TTC12: variants seen among roughly 807,000 people sequenced by gnomAD.
TTC12 encodes the protein tetratricopeptide repeat protein 12.
Under a neutral mutation model 90.1 loss-of-function variants are expected in TTC12, and 70 were observed. The observed-to-expected ratio is 0.78, with a 90% CI of 0.64 to 0.95. TTC12 has a LOEUF of 0.95. TTC12 is among the 40% of genes least tolerant of loss of function. The probability of loss-of-function intolerance (pLI) is 0.00; values close to 1 mark genes in which losing one functional copy is unlikely to be tolerated. For missense variants in TTC12, 819 were observed against 846.1 expected, an observed-to-expected ratio of 0.97 and a Z score of 0.40; for synonymous variants, 296 against 311.5, an observed-to-expected ratio of 0.95 and a Z score of 0.53.
intron 16 of TTC12, 63 bp downstream of exon 16, chr11:113,352,270 A>G (rs1334462373): frequency 6.2e-7 from 1 of 1,607,320 alleles, no homozygotes; most frequent in Non-Finnish European, 8.5e-7. Context: ...GCGTCTTCTT[A>G]GTTATCTGAC....
intron 8 of TTC12, among the ~76,000 whole-genome samples, chr11:113,336,850 T>C (rs1591556479): frequency 1.3e-5 from 2 of 152,330 alleles, no homozygotes; most frequent in South Asian, 4.1e-4. Flanking sequence ...AATTTCTATA[T>C]GAACTTCAAG....
chr11:113,339,209 GA>G (rs111663834), intron 9 of TTC12, 76 bp from the exon 10 acceptor site: 16,035 of 1,236,816 alleles, frequency 0.013, 539 homozygotes, highest in African/African-American at 0.11. Context: ...CAAAAGAAAG[GA>G]AAAAAAAAGG....
At chr11:113,319,132 C>T (rs782806611) in intron 2 of TTC12, among the ~76,000 whole-genome samples, 10 of 152,206 alleles carry the variant, frequency 6.6e-5, no homozygotes, top group Non-Finnish European at 1.3e-4. Context: ...ATAAATCACA[C>T]TGATGGCATG....
chr11:113,345,542 AT>A (rs1565605723), intron 13 of TTC12, among the ~76,000 whole-genome samples: 1 of 152,096 alleles, frequency 6.6e-6, no homozygotes, highest in East Asian at 1.9e-4. Context: ...ACACTGTCCA[AT>A]TTGGTATGTA....
At chr11:113,349,522 A>G (rs1555149315) in intron 13 of TTC12, among the ~76,000 whole-genome samples, 1 of 152,140 alleles carries the variant, frequency 6.6e-6, no homozygotes, top group East Asian at 1.9e-4. Context: ...AAATCCTTAA[A>G]TCTTTCTCAT....
At chr11:113,334,877 G>A (rs113759490) in intron 7 of TTC12, 89 bp from the exon 8 acceptor site, 37 of 1,053,306 alleles carry the variant, frequency 3.5e-5, no homozygotes, top group African/African-American at 3.0e-4. Context: ...TCAAAGTTTC[G>A]CCTTAACTCT....
rs1555143577 is a variant in TTC12 at position 113,334,985 on chromosome 11, A to G, written c.524A>G (p.Lys175Arg). ...WALKCDEKCT[K>R]AYFHMGKANL... ...ATGCAGTGTGATGAAAAATGCACAAAAGCATATTTTCACATGGGAAAAGCC... is the reference window on the plus strand; with the variant it reads ...ATGCAGTGTGATGAAAAATGCACAAGAGCATATTTTCACATGGGAAAAGCC... The change falls in exon 8 of 22, where the codon AAA (lysine) becomes AGA (arginine). Residue 175 changes from lysine (K) to arginine (R), a missense_variant. Transcript: ENST00000529221. 6.2e-7 allele frequency: 1 copy of G among 1,613,844 alleles called. No individual in the cohort carries two copies. The highest frequency in any genetic ancestry group is 1.7e-5 in the Admixed American group (1 of 60,014).
intron 8 of TTC12, 131 bp downstream of exon 8, chr11:113,335,168 C>A: frequency 1.4e-6 from 1 of 699,870 alleles, no homozygotes; most frequent in Non-Finnish European, 2.4e-6. Flanking sequence ...CAAGGTAAAG[C>A]TCAAGATCTT....
chr11:113,359,555 GCATGTACACTCACA>G, intron 17 of TTC12, 94 bp downstream of exon 17: 1 of 851,960 alleles, frequency 1.2e-6, no homozygotes. Context: ...AGAGACAGAA[GCATGTACACTCACA>G]CACTGGCCGT....
At chr11:113,353,288 T>G (rs1000000503) in intron 16 of TTC12, among the ~76,000 whole-genome samples, 1 of 152,248 alleles carries the variant, frequency 6.6e-6, no homozygotes, top group Admixed American at 6.5e-5. Context: ...TCTCTTCATG[T>G]CCTTTGCCCA....
intron 12 of TTC12, among the ~76,000 whole-genome samples, chr11:113,343,958 A>G (rs1334980420): frequency 5.3e-5 from 8 of 152,212 alleles, no homozygotes; most frequent in Non-Finnish European, 1.2e-4. Flanking sequence ...GACACAGTTG[A>G]TTTATGGGTG....
chr11:113,331,894 A>G (rs1948088547), intron 7 of TTC12, among the ~76,000 whole-genome samples: 1 of 152,254 alleles, frequency 6.6e-6, no homozygotes, highest in Non-Finnish European at 1.5e-5. Flanking sequence ...AAAAAAATGT[A>G]CAAAGAGTTC....
intron 15 of TTC12, 63 bp from the exon 16 acceptor site, chr11:113,352,007 A>G: frequency 1.3e-6 from 2 of 1,575,732 alleles, no homozygotes; most frequent in Non-Finnish European, 1.7e-6. Flanking sequence ...GGATGCACCT[A>G]GAGATCATGC....
chr11:113,342,331 G>T (rs1169386651), intron 12 of TTC12, among the ~76,000 whole-genome samples: 1 of 152,100 alleles, frequency 6.6e-6, no homozygotes, highest in African/African-American at 2.4e-5. Flanking sequence ...ACACTGATTA[G>T]CATCTAGTAT....
At chr11:113,347,925 C>T (rs1949064196) in intron 13 of TTC12, among the ~76,000 whole-genome samples, 1 of 152,144 alleles carries the variant, frequency 6.6e-6, no homozygotes, top group Non-Finnish European at 1.5e-5. Context: ...CTGGAAACTC[C>T]ATCACAGTGA....
intron 16 of TTC12, among the ~76,000 whole-genome samples, chr11:113,358,681 C>T (rs1199450616): frequency 6.6e-6 from 1 of 152,210 alleles, no homozygotes; most frequent in Admixed American, 6.5e-5. Context: ...ACGCCCAACC[C>T]TCTGGGCTCC....
chr11:113,327,447 A>G (rs1444350269), intron 6 of TTC12, among the ~76,000 whole-genome samples: 1 of 152,192 alleles, frequency 6.6e-6, no homozygotes, highest in African/African-American at 2.4e-5. Flanking sequence ...GTTGCTTGCT[A>G]GAGAGAAAAC....
At chr11:113,356,806 G>C (rs1462438687) in intron 16 of TTC12, among the ~76,000 whole-genome samples, 1 of 152,158 alleles carries the variant, frequency 6.6e-6, no homozygotes, top group Non-Finnish European at 1.5e-5. Flanking sequence ...CTGTTAGTCT[G>C]ATGGGCTTTC....
chr11:113,329,572 C>A, intron 6 of TTC12: 1 of 470,982 alleles, frequency 2.1e-6, no homozygotes, highest in South Asian at 1.5e-5. Flanking sequence ...TCATGTCAGG[C>A]AGTTCTTTTC....
Sources: allele counts gnomAD v4.1 joint callset (sites outside exome capture counted in the v4.1 genomes callset), GRCh38; gene constraint gnomAD v4.1.1; transcripts MANE v1.5; gene names NCBI Gene and HGNC (gene_info 2026-07-23, HGNC 2026-07-21).